The following CCSER2 variants were observed in gnomAD, a reference collection of about 807,000 sequenced individuals.
The protein encoded by CCSER2 is coiled-coil serine rich protein 2, also known as serine-rich coiled-coil domain-containing protein 2.
Under a neutral mutation model 92.3 loss-of-function variants are expected in CCSER2, and 46 were observed. The ratio of observed to expected loss-of-function variants is 0.50; its 90% CI spans 0.39 to 0.64. The LOEUF (loss-of-function observed/expected upper bound fraction) is 0.64, where lower values mean the gene tolerates loss of function less well. Among genes scored for constraint, CCSER2 ranks in the 30% least tolerant of loss-of-function variants. The pLI is 0.00. For missense variants in CCSER2, 1,244 were observed against 1,238.9 expected, an observed-to-expected ratio of 1.00 and a Z score of -0.06; for synonymous variants, 433 against 431.4, an observed-to-expected ratio of 1.00 and a Z score of -0.04.
chr10:84,332,436 ATTT>A (rs1187303667), intron 1 of CCSER2, among the ~76,000 whole-genome samples: 31 of 55,190 alleles, frequency 5.6e-4, no homozygotes, highest in East Asian at 1.3e-3. Flanking sequence ...ATATATATAT[ATTT>A]TTTTTTTTTT....
intron 6 of CCSER2, among the ~76,000 whole-genome samples, chr10:84,445,705 T>A (rs1159311712): frequency 1.3e-5 from 2 of 152,194 alleles, no homozygotes; most frequent in Non-Finnish European, 2.9e-5. Flanking sequence ...TGAAATGAAA[T>A]GAAATAATAT....
At chr10:84,409,710 G>A (rs757142201) in intron 3 of CCSER2, among the ~76,000 whole-genome samples, 3 of 151,894 alleles carry the variant, frequency 2.0e-5, no homozygotes, top group Non-Finnish European at 4.4e-5. Flanking sequence ...TTTTGATGAT[G>A]TTTCCGTACC....
chr10:84,496,714 G>A (rs1050459955), intron 9 of CCSER2, among the ~76,000 whole-genome samples: 5 of 152,116 alleles, frequency 3.3e-5, no homozygotes, highest in Non-Finnish European at 7.4e-5. Context: ...TGGCTAGAGT[G>A]TGCAGGCTTT....
chr10:84,413,238 G>A (rs921616761), intron 3 of CCSER2, among the ~76,000 whole-genome samples: 6 of 151,786 alleles, frequency 4.0e-5, no homozygotes, highest in Non-Finnish European at 8.8e-5. Context: ...TAGTTGTGAT[G>A]TTAGGTTGTT....
intron 3 of CCSER2, chr10:84,390,881 C>A (rs2133257880): frequency 1.5e-6 from 1 of 671,560 alleles, no homozygotes; most frequent in Admixed American, 2.2e-5. Context: ...TATTCTAAGA[C>A]CTTAACATGT....
intron 1 of CCSER2, among the ~76,000 whole-genome samples, chr10:84,348,865 G>T (rs1844702335): frequency 6.6e-6 from 1 of 151,680 alleles, no homozygotes; most frequent in Admixed American, 6.6e-5. Flanking sequence ...CTTACCATTT[G>T]CTCTCTTTCA....
chr10:84,433,914 C>G (rs1843942085), intron 5 of CCSER2, among the ~76,000 whole-genome samples: 1 of 152,114 alleles, frequency 6.6e-6, no homozygotes, highest in Non-Finnish European at 1.5e-5. Context: ...TGGTTCATTT[C>G]TTCATATTTA....
At chr10:84,484,098 C>A (rs184201298) in intron 9 of CCSER2, among the ~76,000 whole-genome samples, 184 of 150,388 alleles carry the variant, frequency 1.2e-3, no homozygotes, top group African/African-American at 4.4e-3. Context: ...CTCAGCCTCC[C>A]AAGTAGCTGG....
chr10:84,403,979 G>A (rs1337511805), intron 3 of CCSER2, among the ~76,000 whole-genome samples: 1 of 152,230 alleles, frequency 6.6e-6, no homozygotes, highest in Non-Finnish European at 1.5e-5. Context: ...CAGATTTAGA[G>A]AGGGAATACA....
At chr10:84,421,605 G>T (rs1223414928) in intron 4 of CCSER2, among the ~76,000 whole-genome samples, 1 of 152,094 alleles carries the variant, frequency 6.6e-6, no homozygotes, top group Non-Finnish European at 1.5e-5. Context: ...GGGGATTATT[G>T]CAATTTAAGG....
chr10:84,499,413 C>T (rs1029869214), intron 9 of CCSER2, among the ~76,000 whole-genome samples: 2 of 152,134 alleles, frequency 1.3e-5, no homozygotes, highest in Non-Finnish European at 2.9e-5. Context: ...GGATTACATG[C>T]GTGAGCCCAC....
intron 4 of CCSER2, among the ~76,000 whole-genome samples, chr10:84,421,212 A>G (rs780323646): frequency 5.3e-5 from 8 of 152,154 alleles, no homozygotes; most frequent in Non-Finnish European, 1.2e-4. Flanking sequence ...ATAAGGAGAG[A>G]ATGTTGGTCA....
intron 3 of CCSER2, among the ~76,000 whole-genome samples, chr10:84,413,947 T>C (rs896034723): frequency 2.0e-5 from 3 of 152,236 alleles, no homozygotes; most frequent in Non-Finnish European, 2.9e-5. Flanking sequence ...AAGTCTATTT[T>C]GTCAGAAACC....
intron 9 of CCSER2, 63 bp downstream of exon 9, chr10:84,477,727 T>G: frequency 1.1e-6 from 1 of 879,502 alleles, no homozygotes; most frequent in South Asian, 1.5e-5. Context: ...TTTATTTCAC[T>G]CTTTTTACAG....
At chr10:84,392,316 CAAAAAAAA>C (rs71473611) in intron 3 of CCSER2, among the ~76,000 whole-genome samples, 3 of 53,858 alleles carry the variant, frequency 5.6e-5, no homozygotes, top group African/African-American at 9.6e-5. Flanking sequence ...TCTGAAGAAG[CAAAAAAAA>C]AAAAAAAAAA....
chr10:84,488,797 C>T (rs1332458690), intron 9 of CCSER2, among the ~76,000 whole-genome samples: 2 of 131,304 alleles, frequency 1.5e-5, no homozygotes, highest in Admixed American at 1.4e-4. Flanking sequence ...AATGTGTTTG[C>T]TCTTGCTTCT....
At position 84,425,792 on chromosome 10, in the gene CCSER2, A is replaced by G; in HGVS notation, c.1767A>G (p.Glu589=). ...RPDRNVRQPQ[E]GFWKRPPQRW... ...ACAGAAATGTTCGGCAGCCTCAGGA[A>G]GGTTTTTGGAAAAGGCCACCCCAGA... The change falls in exon 5 of 10, where the codon GAA becomes GAG. Residue 589 remains glutamate, a synonymous_variant. Transcript: ENST00000372088. 1 of 1,613,748 alleles carries G rather than the reference A, an allele frequency of 6.2e-7. No homozygotes were observed. The highest frequency in any genetic ancestry group is 8.5e-7 in the Non-Finnish European group (1 of 1,179,798).
chr10:84,484,649 C>G (rs1847699292), intron 9 of CCSER2, among the ~76,000 whole-genome samples: 1 of 152,108 alleles, frequency 6.6e-6, no homozygotes, highest in South Asian at 2.1e-4. Context: ...TATTTATGAT[C>G]TGGTCATACA....
intron 1 of CCSER2, among the ~76,000 whole-genome samples, chr10:84,367,402 G>A (rs1845831827): frequency 6.7e-6 from 1 of 150,324 alleles, no homozygotes; most frequent in African/African-American, 2.5e-5. Flanking sequence ...TTTGAAACAG[G>A]GTCTCACTCT....
Sources: allele counts gnomAD v4.1 joint callset (sites outside exome capture counted in the v4.1 genomes callset), GRCh38; gene constraint gnomAD v4.1.1; transcripts MANE v1.5; gene names NCBI Gene and HGNC (gene_info 2026-07-23, HGNC 2026-07-21).